The following FMNL3 variants were observed in gnomAD, a reference collection of about 807,000 sequenced individuals.
FMNL3 encodes formin-like protein 3.
FMNL3 carries 57 observed loss-of-function variants against 119.6 expected under a neutral mutation model. The observed-to-expected ratio is 0.48, with a 90% CI of 0.39 to 0.59. The LOEUF (loss-of-function observed/expected upper bound fraction) is 0.59. FMNL3 is among the 20% of genes least tolerant of loss of function. The probability of loss-of-function intolerance (pLI) is 0.00; values close to 1 mark genes in which losing one functional copy is unlikely to be tolerated. For missense variants in FMNL3, 1,053 were observed against 1,323.5 expected, an observed-to-expected ratio of 0.80 and a Z score of 3.17; for synonymous variants, 491 against 507.3, an observed-to-expected ratio of 0.97 and a Z score of 0.43.
intron 1 of FMNL3, among the ~76,000 whole-genome samples, chr12:49,698,084 G>A (rs757728430): frequency 1.3e-5 from 2 of 152,132 alleles, no homozygotes; most frequent in African/African-American, 2.4e-5. Context: ...AGTACCCAAC[G>A]ACCAGGCTCA....
rs564370757 is a variant in FMNL3, at chr12:49,649,107, C to G, written c.2437G>C (p.Ala813Pro). ...DRKMTLLHFIALTVKEKYPDL... is the reference protein window; with the variant it reads ...DRKMTLLHFIPLTVKEKYPDL... ...GGGTATTTCTCCTTCACTGTCAAGG[C>G]GATGAAATGAAGCAGTGTCATCTTC... is the stretch of plus-strand genomic sequence containing the variant. Residue 813 changes from alanine to proline, a missense_variant, in exon 21 of 26, where the codon GCC becomes CCC. Coordinates refer to ENST00000335154, the MANE Select transcript of FMNL3 (RefSeq NM_175736.5). The surrounding 1 kb of genome is among the most constrained non-coding windows in gnomAD (Gnocchi z 5.6). 1 of 1,613,708 alleles carries G rather than the reference C, an allele frequency of 6.2e-7. No homozygotes were observed. Among genetic ancestry groups the G allele is most frequent in the South Asian group, 1.1e-5 (1 of 91,020 alleles).
chr12:49,680,402 T>C (rs1183110945), intron 1 of FMNL3, among the ~76,000 whole-genome samples: 1 of 152,232 alleles, frequency 6.6e-6, no homozygotes, highest in African/African-American at 2.4e-5. Context: ...CTGCCTTTCC[T>C]TGCTTTCAAA....
intron 25 of FMNL3, among the ~76,000 whole-genome samples, chr12:49,646,477 CA>C (rs1943192568): frequency 6.6e-6 from 1 of 152,178 alleles, no homozygotes; most frequent in Admixed American, 6.5e-5. Flanking sequence ...GGGGATATGC[CA>C]CACTTCTCAG....
At chr12:49,685,133 G>A (rs189746984) in intron 1 of FMNL3, among the ~76,000 whole-genome samples, 126 of 152,276 alleles carry the variant, frequency 8.3e-4, no homozygotes, top group Non-Finnish European at 2.4e-4. Flanking sequence ...CAGGAGCACA[G>A]GTCTCAACCT....
Position 49,705,760 on chromosome 12 carries a change from G to A in FMNL3, c.126+1295C>T, listed in dbSNP as rs562725101. Among the ~76,000 whole-genome samples the A allele has an allele frequency of 3.9e-5, 6 of 152,354 alleles. No homozygotes were observed. In the East Asian group the frequency reaches 1.2e-3, roughly 29 times the overall value. On this transcript the variant is annotated intron_variant, in intron 1 of 25. Transcript: ENST00000335154. Reference sequence around the variant, plus strand: ...GCCCACATCCCTTTGGCCCTTCGCAGAGCTGGCGGGCAGAGAGGTGCCAGC... The same window carrying A: ...GCCCACATCCCTTTGGCCCTTCGCAAAGCTGGCGGGCAGAGAGGTGCCAGC...
At chr12:49,667,350 T>C (rs918525078) in intron 2 of FMNL3, among the ~76,000 whole-genome samples, 1 of 152,196 alleles carries the variant, frequency 6.6e-6, no homozygotes. Flanking sequence ...AGACCCTCAA[T>C]ATCAAAGGGT....
rs1385754079 is a variant in FMNL3, at chr12:49,639,269, A to G, written c.*6546T>C. The G allele has an allele frequency of 6.6e-6, 1 of 152,234 alleles. No individual in the cohort carries two copies. Among genetic ancestry groups the G allele is most frequent in the Non-Finnish European group, 1.5e-5 (1 of 68,046 alleles). 9.4% of individuals were successfully genotyped at this position (152,234 alleles called of 1,614,324 possible). On this transcript the variant is annotated 3_prime_UTR_variant, in exon 26 of 26. Transcript: ENST00000335154. ...CAGTTCTTGAAGCCTCAAGATACTA[A>G]AACTGATAGTGGTAATTCAAATAGT...
chr12:49,646,715 G>A (rs1277073558), intron 25 of FMNL3, 171 bp downstream of exon 25: 2 of 1,548,952 alleles, frequency 1.3e-6, no homozygotes, highest in Non-Finnish European at 8.7e-7. Flanking sequence ...CGTGAGCCCC[G>A]CTTGGCAGTA....
Position 49,643,000 on chromosome 12 carries a change from G to A in FMNL3, c.*2815C>T, listed in dbSNP as rs751840640. ...AAAGGCAAGAAGCACCATCACAAGC[G>A]TTCCCACTCACCCTCAGTGAGTAAG... On this transcript the variant is annotated 3_prime_UTR_variant, in exon 26 of 26. Coordinates refer to ENST00000335154, the MANE Select transcript of FMNL3 (RefSeq NM_175736.5). This position sits in a 1 kb window ranked among gnomAD's most constrained non-coding sequence, Gnocchi z 5.8. 3.9e-5 allele frequency: 63 copies of A among 1,613,626 alleles called. No homozygotes were observed. The highest frequency in any genetic ancestry group is 4.5e-5 in the East Asian group (2 of 44,892).
chr12:49,674,904 A>G (rs112157264), intron 1 of FMNL3, among the ~76,000 whole-genome samples: 5 of 152,368 alleles, frequency 3.3e-5, no homozygotes, highest in Non-Finnish European at 5.9e-5. Flanking sequence ...TGCAGTTCAC[A>G]CCAGGGAAGT....
chr12:49,637,758 G>A lies in FMNL3; in HGVS notation c.*8057C>T, dbSNP rs1341177534. 1 of 1,575,824 alleles carries A rather than the reference G, an allele frequency of 6.3e-7. No homozygotes were observed. On this transcript the variant is annotated 3_prime_UTR_variant, in exon 26 of 26. Coordinates refer to ENST00000335154, the MANE Select transcript of FMNL3 (RefSeq NM_175736.5). ...GCTCCACCCCTCTGGACTTATTCAA[G>A]TTCTATGTGGAGGAGTTGAAGGCAC...
intron 1 of FMNL3, among the ~76,000 whole-genome samples, chr12:49,671,365 T>C (rs970244390): frequency 6.6e-6 from 1 of 152,230 alleles, no homozygotes; most frequent in Non-Finnish European, 1.5e-5. Context: ...CATAGCCATA[T>C]CCTCCTGTCT....
rs1235674614 is a variant in FMNL3 at position 49,646,813 on chromosome 12, G to T, written c.2995+73C>A. ...TCATGGGGGGTGGGGTGGGAGGAGA[G>T]CCCAAAGGGGTTAGGTTGAGCTTTG... On this transcript the variant is annotated intron_variant, in intron 25 of 25. Transcript: ENST00000335154. 3.1e-6 allele frequency: 5 copies of T among 1,604,872 alleles called. No individual in the cohort carries two copies. In the African/African-American group the frequency reaches 6.7e-5, roughly 21 times the overall value.
intron 1 of FMNL3, 82 bp from the exon 2 acceptor site, chr12:49,668,636 G>A (rs1943955970): frequency 8.0e-7 from 1 of 1,248,986 alleles, no homozygotes; most frequent in South Asian, 1.2e-5. Flanking sequence ...ACACCTTTCT[G>A]CTACTGGGCC....
intron 1 of FMNL3, among the ~76,000 whole-genome samples, chr12:49,704,458 C>T (rs575894468): frequency 1.0e-3 from 156 of 152,260 alleles, no homozygotes; most frequent in African/African-American, 3.6e-3. Context: ...TGCCTGTAAT[C>T]CCAGCACTTT....
rs368372498 is a variant in FMNL3 at position 49,703,464 on chromosome 12, G to A, written c.126+3591C>T. On this transcript the variant is annotated intron_variant, in intron 1 of 25. Coordinates refer to ENST00000335154, the MANE Select transcript of FMNL3 (RefSeq NM_175736.5). ...GAAGTGCTACTCAGATAGGGGGTAA[G>A]GAAGGATGCCAAGAAGCAGTGTAAC... Among the ~76,000 whole-genome samples, 8 of 152,268 alleles carry A rather than the reference G, an allele frequency of 5.3e-5. No homozygotes were observed. In the South Asian group the frequency reaches 1.7e-3, roughly 32 times the overall value.
intron 1 of FMNL3, among the ~76,000 whole-genome samples, chr12:49,684,351 C>G (rs1404302149): frequency 6.6e-6 from 1 of 152,190 alleles, no homozygotes; most frequent in East Asian, 1.9e-4. Context: ...AAATAAGGCT[C>G]TCTCTGCCCT....
At chr12:49,688,556 G>C (rs1592687994) in intron 1 of FMNL3, 3 of 455,648 alleles carry the variant, frequency 6.6e-6, no homozygotes, top group Non-Finnish European at 1.3e-5. Context: ...TGCAAAAGTT[G>C]TTCTCTTCCT....
Position 49,649,206 on chromosome 12 carries a change from C to G in FMNL3, c.2386-48G>C, listed in dbSNP as rs761079598. On this transcript the variant is annotated intron_variant, in intron 20 of 25. Transcript: ENST00000335154. This position sits in a 1 kb window ranked among gnomAD's most constrained non-coding sequence, Gnocchi z 5.6. Reference sequence around the variant, plus strand: ...TGCACAAGAGCTAAGCACTCTGGCTCCACAACTGCTGCCCCCCAGGCTTCC... The same window carrying G: ...TGCACAAGAGCTAAGCACTCTGGCTGCACAACTGCTGCCCCCCAGGCTTCC... 2 of 1,613,012 alleles carry G rather than the reference C, an allele frequency of 1.2e-6. No individual in the cohort carries two copies. The highest frequency in any genetic ancestry group is 8.5e-7 in the Non-Finnish European group (1 of 1,179,384).
Sources: allele counts gnomAD v4.1 joint callset (sites outside exome capture counted in the v4.1 genomes callset), GRCh38; gene constraint gnomAD v4.1.1; non-coding constraint Gnocchi (gnomAD v3.1); transcripts MANE v1.5; gene names NCBI Gene and HGNC (gene_info 2026-07-23, HGNC 2026-07-21).